DYNC1I1: variants seen among roughly 807,000 people sequenced by gnomAD.
DYNC1I1 encodes cytoplasmic dynein 1 intermediate chain 1.
In DYNC1I1, 43 loss-of-function variants were observed where a neutral mutation model predicts 86.6. The observed-to-expected ratio is 0.50, with a 90% CI of 0.39 to 0.64. DYNC1I1 has a LOEUF of 0.64. Among genes scored for constraint, DYNC1I1 ranks in the 30% least tolerant of loss-of-function variants. The probability of loss-of-function intolerance (pLI) is 0.00; values close to 1 mark genes in which losing one functional copy is unlikely to be tolerated. For synonymous variants in DYNC1I1, 262 were observed against 283.7 expected (o/e 0.92, Z 0.77); for missense variants, 604 against 788.8 (o/e 0.77, Z 2.81).
chr7:95,824,105 C>T (rs1417732752), intron 4 of DYNC1I1, among the ~76,000 whole-genome samples: 1 of 150,448 alleles, frequency 6.6e-6, no homozygotes, highest in African/African-American at 2.5e-5. Flanking sequence ...GTCCTCCCAC[C>T]TCAGCCTCCT....
At chr7:95,809,074 C>G (rs1794768190) in intron 2 of DYNC1I1, among the ~76,000 whole-genome samples, 1 of 152,128 alleles carries the variant, frequency 6.6e-6, no homozygotes, top group African/African-American at 2.4e-5. Flanking sequence ...GTGTCTGACT[C>G]TAAGACTCTT....
chr7:95,885,389 C>CTGG (rs1790567319), intron 6 of DYNC1I1, among the ~76,000 whole-genome samples: 2 of 152,276 alleles, frequency 1.3e-5, no homozygotes, highest in East Asian at 3.9e-4. Context: ...GTTGGCCAGG[C>CTGG]TGGTCTTGAA....
chr7:96,078,563 G>A (rs1032922113), intron 15 of DYNC1I1, among the ~76,000 whole-genome samples: 8 of 151,984 alleles, frequency 5.3e-5, no homozygotes, highest in African/African-American at 1.9e-4. Context: ...CTTTGTTATA[G>A]TACTTATATT....
At chr7:95,795,067 G>A (rs1794401596) in intron 1 of DYNC1I1, among the ~76,000 whole-genome samples, 1 of 152,174 alleles carries the variant, frequency 6.6e-6, no homozygotes, top group South Asian at 2.1e-4. Context: ...TCAGAGGAAT[G>A]CTTTTCCTTC....
intron 14 of DYNC1I1, among the ~76,000 whole-genome samples, chr7:96,069,613 A>G (rs1790102790): frequency 6.6e-6 from 1 of 152,222 alleles, no homozygotes; most frequent in African/African-American, 2.4e-5. Context: ...TATTCATGAA[A>G]ATCATGCCAG....
intron 2 of DYNC1I1, among the ~76,000 whole-genome samples, chr7:95,808,758 G>C (rs967812319): frequency 1.3e-5 from 2 of 152,186 alleles, no homozygotes; most frequent in Non-Finnish European, 2.9e-5. Flanking sequence ...GGTTTCAGCT[G>C]TGATTACTCT....
At chr7:95,779,138 C>A (rs985661284) in intron 1 of DYNC1I1, among the ~76,000 whole-genome samples, 13 of 152,166 alleles carry the variant, frequency 8.5e-5, no homozygotes, top group African/African-American at 3.1e-4. Flanking sequence ...ACAGCTTCCA[C>A]AACAAAGAAT....
downstream of DYNC1I1, among the ~76,000 whole-genome samples, chr7:96,103,322 T>C (rs1584322897): frequency 1.3e-5 from 2 of 152,136 alleles, no homozygotes; most frequent in African/African-American, 4.8e-5. Flanking sequence ...ACAGAGCTGT[T>C]AGTTGAGCAC....
rs1294473198 is a variant in DYNC1I1 at position 95,777,998 on chromosome 7, A to C, written c.-10+5225A>C. ...AGAATGTTGTAAACTTTGACAGTTAAAAATAAAACCGTGACATCATTCTTT... is the reference window on the plus strand; with the variant it reads ...AGAATGTTGTAAACTTTGACAGTTACAAATAAAACCGTGACATCATTCTTT... On this transcript the variant is annotated intron_variant, in intron 1 of 16. Coordinates refer to ENST00000447467, the MANE Select transcript of DYNC1I1 (RefSeq NM_001135556.2). 2.0e-5 allele frequency among the ~76,000 whole-genome samples: 3 copies of C among 152,328 alleles called. No individual in the cohort carries two copies. The South Asian group carries it at 6.2e-4, about 32-fold the overall frequency.
At chr7:95,902,912 A>T (rs546265977) in intron 6 of DYNC1I1, among the ~76,000 whole-genome samples, 1 of 152,140 alleles carries the variant, frequency 6.6e-6, no homozygotes, top group Non-Finnish European at 1.5e-5. Flanking sequence ...CCCCCATCTT[A>T]TTCCATGGAG....
intron 14 of DYNC1I1, among the ~76,000 whole-genome samples, chr7:96,044,638 T>C (rs190852204): frequency 2.6e-4 from 39 of 152,264 alleles, no homozygotes; most frequent in African/African-American, 8.9e-4. Flanking sequence ...CAACATCTCT[T>C]CTGTTGTAAC....
chr7:95,852,093 T>C (rs1041218626), intron 5 of DYNC1I1, among the ~76,000 whole-genome samples: 1 of 152,212 alleles, frequency 6.6e-6, no homozygotes, highest in Non-Finnish European at 1.5e-5. Context: ...TTAGTTCTTC[T>C]TTAAATGTTT....
At chr7:95,860,456 C>G (rs1225411093) in intron 5 of DYNC1I1, among the ~76,000 whole-genome samples, 1 of 152,166 alleles carries the variant, frequency 6.6e-6, no homozygotes, top group Non-Finnish European at 1.5e-5. Context: ...TTTAATGTAT[C>G]TGACGATGAA....
chr7:95,895,666 ACAT>A (rs1175219711), intron 6 of DYNC1I1, among the ~76,000 whole-genome samples: 1 of 152,196 alleles, frequency 6.6e-6, no homozygotes, highest in East Asian at 1.9e-4. Context: ...TTTTTGTCTA[ACAT>A]CATTTCCATT....
chr7:95,987,870 T>C, intron 9 of DYNC1I1, among the ~76,000 whole-genome samples: 1 of 152,206 alleles, frequency 6.6e-6, no homozygotes, highest in East Asian at 1.9e-4. Context: ...CACCACAATA[T>C]ACCCAAAAGC....
chr7:96,007,737 A>G (rs111237463), intron 10 of DYNC1I1, among the ~76,000 whole-genome samples: 9 of 152,366 alleles, frequency 5.9e-5, no homozygotes, highest in African/African-American at 2.2e-4. Flanking sequence ...AAGAAGGCTA[A>G]TGGATTTTTA....
intron 2 of DYNC1I1, among the ~76,000 whole-genome samples, chr7:95,807,609 G>A (rs1794732500): frequency 6.6e-6 from 1 of 152,104 alleles, no homozygotes; most frequent in Admixed American, 6.5e-5. Flanking sequence ...AGCTTAAGAT[G>A]TTCTCTTTCC....
intron 6 of DYNC1I1, among the ~76,000 whole-genome samples, chr7:95,913,421 G>T (rs973399060): frequency 1.1e-4 from 16 of 152,132 alleles, no homozygotes; most frequent in African/African-American, 3.9e-4. Context: ...AACCCCAGGT[G>T]CCATGGATGG....
At chr7:96,081,447 C>T (rs566394373) in intron 16 of DYNC1I1, among the ~76,000 whole-genome samples, 4 of 152,042 alleles carry the variant, frequency 2.6e-5, no homozygotes, top group South Asian at 4.1e-4. Context: ...TTTATTTTTA[C>T]TGTATGAGAA....
Sources: allele counts gnomAD v4.1 joint callset (sites outside exome capture counted in the v4.1 genomes callset), GRCh38; gene constraint gnomAD v4.1.1; transcripts MANE v1.5; gene names NCBI Gene and HGNC (gene_info 2026-07-23, HGNC 2026-07-21).